SLC2A9: variants seen among roughly 807,000 people sequenced by gnomAD.
The protein encoded by SLC2A9 is solute carrier family 2, facilitated glucose transporter member 9.
Under a neutral mutation model 50.6 loss-of-function variants are expected in SLC2A9, and 39 were observed. The observed-to-expected ratio is 0.77, with a 90% confidence interval of 0.60 to 1.01. The LOEUF is 1.01. Ranked by LOEUF, SLC2A9 falls within the 50% of genes least tolerant of loss-of-function variation. The pLI is 0.00. For synonymous variants in SLC2A9, 324 were observed against 276.9 expected (o/e 1.17, Z -1.69); for missense variants, 686 against 677.6 (o/e 1.01, Z -0.14).
chr4:10,008,337 C>A (rs142619998), intron 2 of SLC2A9, among the ~76,000 whole-genome samples: 1,532 of 152,338 alleles, frequency 0.01, 18 homozygotes, highest in African/African-American at 0.035. Flanking sequence ...GACACCAACG[C>A]CCCAGGCTGG....
chr4:9,920,466 C>A lies in SLC2A9; in HGVS notation c.921G>T (p.Leu307=). 6.2e-7 allele frequency: 1 copy of A among 1,614,160 alleles called. No homozygotes were observed. The highest frequency in any genetic ancestry group is 8.5e-7 in the Non-Finnish European group (1 of 1,180,014). The part of the protein sequence containing the change: ...RSIRLVSVLE[L]LRAPYVRWQV... ...GCCAGCGGACGTAGGGAGCTCTCAG[C>A]AGCTCCAGCACGGACACCAGGCGGA... Residue 307 remains leucine, a synonymous_variant, in exon 7 of 12, where the codon CTG becomes CTT. Coordinates refer to ENST00000264784, the MANE Select transcript of SLC2A9 (RefSeq NM_020041.3).
chr4:9,808,429 G>A (rs1159230588), intron 3 of SLC2A9, among the ~76,000 whole-genome samples: 2 of 152,152 alleles, frequency 1.3e-5, no homozygotes, highest in Non-Finnish European at 1.5e-5. Context: ...AGCCTTTAGG[G>A]GCCATTGGGT....
chr4:9,860,398 G>C (rs1181547734), intron 10 of SLC2A9, among the ~76,000 whole-genome samples: 1 of 152,224 alleles, frequency 6.6e-6, no homozygotes, highest in Non-Finnish European at 1.5e-5. Context: ...GAGGTACTTT[G>C]TGAGGGTGTT....
At chr4:9,923,605 G>C (rs1744339132) in intron 6 of SLC2A9, among the ~76,000 whole-genome samples, 1 of 152,202 alleles carries the variant, frequency 6.6e-6, no homozygotes. Flanking sequence ...GAGAGAGAAA[G>C]AGTTAAGCTG....
chr4:9,807,111 T>C (rs1489893322), intron 3 of SLC2A9, among the ~76,000 whole-genome samples: 1 of 152,150 alleles, frequency 6.6e-6, no homozygotes, highest in Admixed American at 6.5e-5. Flanking sequence ...CTGGCTGGCA[T>C]GTGGATGGAG....
intron 8 of SLC2A9, among the ~76,000 whole-genome samples, chr4:9,900,335 A>G (rs1739369833): frequency 6.6e-6 from 1 of 152,144 alleles, no homozygotes; most frequent in Admixed American, 6.5e-5. Context: ...GTAAATCAGG[A>G]AAATTTGGTG....
At position 9,985,758 on chromosome 4, in the gene SLC2A9, A is replaced by G; in HGVS notation, c.446T>C (p.Ile149Thr). 6.2e-7 allele frequency: 1 copy of G among 1,614,044 alleles called. No individual in the cohort carries two copies. The highest frequency in any genetic ancestry group is 8.5e-7 in the Non-Finnish European group (1 of 1,179,886). ...GCAGGCCATCAGCAATGCAGCAGAA[A>G]TTGCAAACCCATTATTGGCCAGCAA... ...HTLLANNGFA[I>T]SAALLMACSL... is the part of the protein sequence containing the mutation. Residue 149 changes from isoleucine (I) to threonine (T), a missense_variant, in exon 4 of 12, where the codon ATT (isoleucine) becomes ACT (threonine). Physicochemically the swap from Ile to Thr is moderately conservative, Grantham distance 89 (BLOSUM62 -1). Transcript: ENST00000264784.
intron 3 of SLC2A9, among the ~76,000 whole-genome samples, chr4:9,780,585 C>A (rs532307680): frequency 9.2e-5 from 14 of 152,268 alleles, no homozygotes; most frequent in Admixed American, 7.8e-4. Flanking sequence ...TGTTTCTAGA[C>A]CTCACCATGC....
In SLC2A9 at chr4:9,848,699, CT is replaced by C. The variant is rs147201182; in HGVS notation, c.1292-13692del. Among the ~76,000 whole-genome samples the C allele has an allele frequency of 7.9e-3, 1,029 of 130,818 alleles. 4 individuals are homozygous for C. Among genetic ancestry groups the C allele is most frequent in the African/African-American group, 0.021 (721 of 34,776 alleles). The allele number at this position is 130,818 out of a possible 152,430, so 85.8% of individuals were successfully genotyped here. A position where few individuals can be genotyped will look rare whatever the true frequency, so the allele number is the denominator to read the frequency against. ...GATCTTTTAAGGATGAGTGGAAATT[CT>C]TTTTTTTTTTTTTTTTGGAGACCGA... On this transcript the variant is annotated intron_variant, in intron 10 of 11. Coordinates refer to ENST00000264784, the MANE Select transcript of SLC2A9 (RefSeq NM_020041.3).
At chr4:9,854,565 T>C (rs548611051) in intron 10 of SLC2A9, among the ~76,000 whole-genome samples, 1 of 152,168 alleles carries the variant, frequency 6.6e-6, no homozygotes, top group East Asian at 1.9e-4. Flanking sequence ...CCAAAACTAT[T>C]CCAAAAAATT....
chr4:9,790,493 C>G lies in SLC2A9; in HGVS notation n.386-10428G>C, dbSNP rs145598553. On this transcript the variant is annotated intron_variant and non_coding_transcript_variant, in intron 3 of 3. Coordinates refer to the SLC2A9 transcript ENST00000503803. ...CCTCATTCATATGTCAACTTGGCTT[C>G]ATGGGTAGGGGCTGCCTGGAGTCCT... Among the ~76,000 whole-genome samples, 502 of 152,250 alleles carry G rather than the reference C, an allele frequency of 3.3e-3. 4 individuals carry two copies. Among genetic ancestry groups the G allele is most frequent in the African/African-American group, 0.011 (475 of 41,548 alleles).
chr4:9,773,248 C>A (rs113678030), intron 1 of SLC2A9, among the ~76,000 whole-genome samples: 1 of 152,156 alleles, frequency 6.6e-6, no homozygotes, highest in Non-Finnish European at 1.5e-5. Flanking sequence ...TTTCCACCTG[C>A]CCCTCCCCAT....
intron 6 of SLC2A9, among the ~76,000 whole-genome samples, chr4:9,932,921 G>C (rs988274225): frequency 6.6e-6 from 1 of 152,250 alleles, no homozygotes; most frequent in Non-Finnish European, 1.5e-5. Context: ...TCTTCTGCTA[G>C]TCAAAGTTCC....
In SLC2A9 at chr4:9,942,142, C is replaced by G. The variant is rs142065199; in HGVS notation, c.682-97G>C. 874 of 1,454,298 alleles carry G rather than the reference C, an allele frequency of 6.0e-4. 12 individuals are homozygous for G. The East Asian group carries it at 0.018, about 29-fold the overall frequency. 90.1% of individuals were successfully genotyped at this position (1,454,298 alleles called of 1,614,324 possible). The stretch of plus-strand genomic sequence containing the variant: ...AGGTGGTTTCGACCCTGCAGAAGGT[C>G]TTCCTGCCCAGCATGATCCCCAGGA... On this transcript the variant is annotated intron_variant, in intron 5 of 11. Transcript: ENST00000264784.
At chr4:9,805,304 A>G (rs1721974401) in intron 3 of SLC2A9, among the ~76,000 whole-genome samples, 1 of 152,248 alleles carries the variant, frequency 6.6e-6, no homozygotes, top group Non-Finnish European at 1.5e-5. Flanking sequence ...GCGCTGAGCC[A>G]TGAGCTGGAT....
intron 9 of SLC2A9, among the ~76,000 whole-genome samples, chr4:9,888,663 G>T (rs1577713847): frequency 6.6e-6 from 1 of 152,036 alleles, no homozygotes; most frequent in Non-Finnish European, 1.5e-5. Flanking sequence ...AGCCCAGTGG[G>T]AAAGGAAAGG....
At chr4:9,800,695 C>T (rs774406671) in intron 3 of SLC2A9, among the ~76,000 whole-genome samples, 1 of 152,142 alleles carries the variant, frequency 6.6e-6, no homozygotes, top group African/African-American at 2.4e-5. Context: ...AACAATACAT[C>T]AATAAAAATA....
intron 10 of SLC2A9, among the ~76,000 whole-genome samples, chr4:9,835,844 T>C (rs1416269826): frequency 2.6e-5 from 4 of 152,036 alleles, no homozygotes; most frequent in East Asian, 1.9e-4. Context: ...CCCAGCACTT[T>C]GGGAGGCAGA....
chr4:10,000,383 C>A (rs1040364217), intron 2 of SLC2A9, among the ~76,000 whole-genome samples: 17 of 152,150 alleles, frequency 1.1e-4, no homozygotes, highest in African/African-American at 4.1e-4. Context: ...ATGCTCTTGG[C>A]TGCAAGTAAC....
Sources: gnomAD v4.1 joint callset for allele counts (sites outside exome capture counted in the v4.1 genomes callset) on GRCh38, gnomAD v4.1.1 for gene constraint, MANE v1.5 for transcripts, NCBI Gene and HGNC (gene_info 2026-07-23, HGNC 2026-07-21) for gene names.